Variants in PAN3 observed in about 807,000 individuals in gnomAD.
The protein encoded by PAN3 is poly(A) specific ribonuclease subunit PAN3.
A neutral mutation model predicts 96.2 loss-of-function variants in PAN3; 19 were observed. The observed-to-expected ratio is 0.20, with a 90% CI of 0.14 to 0.29. PAN3 has a LOEUF of 0.29. PAN3 is among the 10% of genes least tolerant of loss of function. The pLI, the probability that PAN3 is intolerant of heterozygous loss-of-function variation, is 1.00. For synonymous variants in PAN3, 433 were observed against 406.6 expected, an observed-to-expected ratio of 1.06 and a Z score of -0.78; for missense variants, 882 against 1,108.1, an observed-to-expected ratio of 0.80 and a Z score of 2.90.
At position 28,235,768 on chromosome 13, in the gene PAN3, G is replaced by A. The variant is rs560461679; in HGVS notation, c.1000+15390G>A. ...ATTTTAGAGATAGGCTGTAGCCCAG[G>A]CTGGAGAGCAGTGGCTCGATTGTAG... On this transcript the variant is annotated intron_variant, in intron 6 of 18. Transcript: ENST00000380958. Among the ~76,000 whole-genome samples the A allele has an allele frequency of 1.3e-4, 20 of 150,466 alleles. No homozygotes were observed. In the East Asian group the frequency reaches 3.7e-3, roughly 28 times the overall value.
chr13:28,271,682 T>C (rs532103973), intron 13 of PAN3, among the ~76,000 whole-genome samples: 7 of 152,218 alleles, frequency 4.6e-5, no homozygotes, highest in Non-Finnish European at 8.8e-5. Flanking sequence ...TATGAATGAC[T>C]AATAAACAGC....
At chr13:28,230,691 A>G (rs1882449728) in intron 6 of PAN3, among the ~76,000 whole-genome samples, 1 of 152,180 alleles carries the variant, frequency 6.6e-6, no homozygotes, top group Non-Finnish European at 1.5e-5. Context: ...AGCTTTTTTC[A>G]TTGGAAAGAA....
chr13:28,140,941 GTAA>G (rs1009883168), intron 1 of PAN3, among the ~76,000 whole-genome samples: 3 of 150,900 alleles, frequency 2.0e-5, no homozygotes, highest in African/African-American at 7.4e-5. Flanking sequence ...TGACTCAGTA[GTAA>G]TGTTTGATTA....
chr13:28,203,961 C>T (rs1483094242), intron 5 of PAN3, among the ~76,000 whole-genome samples: 3 of 151,848 alleles, frequency 2.0e-5, no homozygotes, highest in African/African-American at 7.3e-5. Flanking sequence ...CTCCACCACG[C>T]CCAGCTAATT....
At chr13:28,160,165 C>A (rs547527716) in intron 1 of PAN3, among the ~76,000 whole-genome samples, 1 of 152,154 alleles carries the variant, frequency 6.6e-6, no homozygotes, top group African/African-American at 2.4e-5. Context: ...TGGTCTCAAA[C>A]TCCTGACCTT....
chr13:28,242,663 G>A (rs1171771228), intron 6 of PAN3, among the ~76,000 whole-genome samples: 1 of 152,204 alleles, frequency 6.6e-6, no homozygotes, highest in Non-Finnish European at 1.5e-5. Flanking sequence ...GTTGATGTAT[G>A]AGAGGAAGGA....
chr13:28,154,015 A>G (rs1318127987), intron 1 of PAN3, among the ~76,000 whole-genome samples: 1 of 152,206 alleles, frequency 6.6e-6, no homozygotes, highest in Non-Finnish European at 1.5e-5. Flanking sequence ...GAAAATAGTA[A>G]TTATCTTGGC....
intron 4 of PAN3, among the ~76,000 whole-genome samples, chr13:28,188,621 T>C (rs1305456895): frequency 6.6e-6 from 1 of 152,124 alleles, no homozygotes; most frequent in African/African-American, 2.4e-5. Context: ...AGAAAAAAAT[T>C]ACATTGTTTC....
chr13:28,291,330 G>A (rs555051769), intron 18 of PAN3, among the ~76,000 whole-genome samples: 1 of 152,174 alleles, frequency 6.6e-6, no homozygotes, highest in South Asian at 2.1e-4. Context: ...ATAGACTAAG[G>A]ATCAGTATTT....
chr13:28,289,426 C>T (rs1206324866), intron 18 of PAN3, among the ~76,000 whole-genome samples: 3 of 152,080 alleles, frequency 2.0e-5, no homozygotes, highest in East Asian at 3.9e-4. Flanking sequence ...CACAGGCACA[C>T]GCCACCACAC....
intron 4 of PAN3, among the ~76,000 whole-genome samples, chr13:28,181,194 T>C (rs1875720897): frequency 6.6e-6 from 1 of 152,084 alleles, no homozygotes; most frequent in African/African-American, 2.4e-5. Flanking sequence ...CTTTAGGAAC[T>C]TCAAGGGAAA....
intron 6 of PAN3, among the ~76,000 whole-genome samples, chr13:28,244,673 A>C (rs1326756533): frequency 6.6e-6 from 1 of 151,976 alleles, no homozygotes; most frequent in Non-Finnish European, 1.5e-5. Flanking sequence ...TCAGTGTCTA[A>C]TGGTGTTATG....
intron 1 of PAN3, 150 bp from the exon 2 acceptor site, chr13:28,174,122 A>G (rs1364850147): frequency 7.9e-6 from 6 of 762,580 alleles, no homozygotes; most frequent in East Asian, 5.8e-5. Flanking sequence ...AGCCAACCCA[A>G]TTTTATTTGA....
intron 1 of PAN3, among the ~76,000 whole-genome samples, chr13:28,162,900 T>G (rs1435455708): frequency 6.6e-6 from 1 of 151,708 alleles, no homozygotes; most frequent in African/African-American, 2.4e-5. Context: ...AATGTGCTAT[T>G]AGATTAAGGA....
chr13:28,155,279 A>G (rs1566141816), intron 1 of PAN3, among the ~76,000 whole-genome samples: 2 of 152,128 alleles, frequency 1.3e-5, no homozygotes, highest in South Asian at 4.1e-4. Context: ...TGTGCTAGGT[A>G]TCATATAGAT....
At chr13:28,240,288 G>A (rs374473566) in intron 6 of PAN3, among the ~76,000 whole-genome samples, 16 of 152,130 alleles carry the variant, frequency 1.1e-4, no homozygotes, top group African/African-American at 3.9e-4. Flanking sequence ...AGGGATTTAA[G>A]CTACAGAATA....
intron 6 of PAN3, among the ~76,000 whole-genome samples, chr13:28,237,491 T>C (rs1321434182): frequency 6.6e-6 from 1 of 152,184 alleles, no homozygotes; most frequent in Non-Finnish European, 1.5e-5. Context: ...ACATTAGTTT[T>C]CATACATTTT....
intron 5 of PAN3, chr13:28,215,213 C>T (rs1265761728): frequency 4.2e-6 from 3 of 711,688 alleles, no homozygotes; most frequent in Admixed American, 1.9e-5. Flanking sequence ...AGGCTCTGGA[C>T]TGCATCCTCC....
At chr13:28,216,702 A>G (rs1235826959) in intron 5 of PAN3, among the ~76,000 whole-genome samples, 2 of 152,136 alleles carry the variant, frequency 1.3e-5, no homozygotes, top group Non-Finnish European at 2.9e-5. Flanking sequence ...TCATCCCATC[A>G]TTGTATGATA....
Sources: allele counts gnomAD v4.1 joint callset (sites outside exome capture counted in the v4.1 genomes callset), GRCh38; gene constraint gnomAD v4.1.1; transcripts MANE v1.5; gene names NCBI Gene and HGNC (gene_info 2026-07-23, HGNC 2026-07-21).